The following PPME1 variants were observed in gnomAD, a reference collection of about 807,000 sequenced individuals.
PPME1 encodes testicular secretory protein Li 39.
PPME1 carries 17 observed loss-of-function variants against 56.9 expected under a neutral mutation model. The ratio of observed to expected loss-of-function variants is 0.30; its 90% CI spans 0.20 to 0.45. The LOEUF is 0.45. PPME1 is among the 20% of genes least tolerant of loss of function. PPME1 has a pLI of 1.00. For synonymous variants in PPME1, 122 were observed against 156.2 expected, an observed-to-expected ratio of 0.78 and a Z score of 1.63; for missense variants, 357 against 483.2, an observed-to-expected ratio of 0.74 and a Z score of 2.45.
intron 12 of PPME1, 69 bp downstream of exon 12, chr11:74,251,087 G>A: frequency 1.3e-6 from 2 of 1,543,082 alleles, no homozygotes; most frequent in East Asian, 2.5e-5. Context: ...CAGAAGACAA[G>A]TCTCTGAGTC....
At chr11:74,204,806 G>A (rs934454520) in intron 3 of PPME1, 1 of 165,272 alleles carries the variant, frequency 6.1e-6, no homozygotes, top group East Asian at 1.7e-4. Flanking sequence ...ACTGCGGTGA[G>A]TAAAACTAGT....
At position 74,171,511 on chromosome 11, in the gene PPME1, G is replaced by C. The variant is rs1389950393; in HGVS notation, c.90G>C (p.Lys30Asn). The C allele has an allele frequency of 6.2e-7, 1 of 1,612,692 alleles. No individual in the cohort carries two copies. The highest frequency in any genetic ancestry group is 8.5e-7 in the Non-Finnish European group (1 of 1,179,564). ...PGSGGSQSGA[K>N]MRMGPGRKRD... ...GCGGGGGCAGTCAGAGCGGAGCCAA[G>C]ATGCGAATGGGGTACGTGACCCATA... The change falls in exon 1 of 14, where the codon AAG becomes AAC. Residue 30 changes from lysine (K) to asparagine (N), a missense_variant. This residue lies in a region of PPME1 where 175 missense variants were observed against 189.4 expected (regional missense o/e 0.92). Transcript: ENST00000328257.
intron 1 of PPME1, among the ~76,000 whole-genome samples, chr11:74,195,418 A>G (rs73565819): frequency 0.017 from 2,633 of 152,216 alleles, 76 homozygotes; most frequent in African/African-American, 0.06. Context: ...TCTTTCTCTA[A>G]GTATTTTTCA....
At chr11:74,172,174 G>A (rs1857266048) in intron 1 of PPME1, among the ~76,000 whole-genome samples, 1 of 152,154 alleles carries the variant, frequency 6.6e-6, no homozygotes, top group Non-Finnish European at 1.5e-5. Context: ...AAGGTAAGGT[G>A]GAGAACATAG....
At position 74,204,613 on chromosome 11, in the gene PPME1, A is replaced by G. The variant is rs1403735928; in HGVS notation, c.288+168A>G. 5.3e-5 allele frequency among the ~76,000 whole-genome samples: 8 copies of G among 152,276 alleles called. No individual in the cohort carries two copies. In the East Asian group the frequency reaches 1.5e-3, roughly 29 times the overall value. ...TCTTCAGTATGTCTGAAGAACAAAG[A>G]GAAGGTTGGAGGTTTTATAAAAAGG... is the stretch of plus-strand genomic sequence containing the variant. On this transcript the variant is annotated intron_variant, in intron 3 of 13. Coordinates refer to ENST00000328257, the MANE Select transcript of PPME1 (RefSeq NM_016147.3).
At chr11:74,213,600 C>T (rs1447848210) in intron 3 of PPME1, among the ~76,000 whole-genome samples, 1 of 152,222 alleles carries the variant, frequency 6.6e-6, no homozygotes, top group Admixed American at 6.5e-5. Flanking sequence ...GTACTTGTGT[C>T]ACTCCACCCC....
intron 1 of PPME1, among the ~76,000 whole-genome samples, chr11:74,194,970 A>G (rs73565817): frequency 0.017 from 2,636 of 152,332 alleles, 76 homozygotes; most frequent in African/African-American, 0.06. Flanking sequence ...AGGCAGTCCT[A>G]TTTGGAGCAG....
At chr11:74,204,100 T>G (rs1256138980) in intron 2 of PPME1, among the ~76,000 whole-genome samples, 2 of 151,984 alleles carry the variant, frequency 1.3e-5, no homozygotes, top group Non-Finnish European at 2.9e-5. Context: ...TTGAACTAGT[T>G]TCATTTCTAG....
chr11:74,177,488 T>G (rs1273742673), intron 1 of PPME1, among the ~76,000 whole-genome samples: 1 of 151,898 alleles, frequency 6.6e-6, no homozygotes, highest in Non-Finnish European at 1.5e-5. Context: ...CTGATTAAAA[T>G]GACACCTTTG....
chr11:74,192,573 A>C (rs1167145346), intron 1 of PPME1, among the ~76,000 whole-genome samples: 1 of 152,088 alleles, frequency 6.6e-6, no homozygotes, highest in Non-Finnish European at 1.5e-5. Flanking sequence ...GCACCCTCCA[A>C]ATCTCGTGTT....
At chr11:74,219,269 T>G (rs1858734815) in intron 3 of PPME1, among the ~76,000 whole-genome samples, 1 of 151,740 alleles carries the variant, frequency 6.6e-6, no homozygotes, top group Non-Finnish European at 1.5e-5. Context: ...AAAGGGAACC[T>G]TCATACACTG....
At chr11:74,184,012 A>T (rs925524029) in intron 1 of PPME1, among the ~76,000 whole-genome samples, 5 of 152,196 alleles carry the variant, frequency 3.3e-5, no homozygotes, top group African/African-American at 1.2e-4. Context: ...AAAAAATATG[A>T]TTATTGAAAG....
chr11:74,203,358 G>T (rs1221143589), intron 1 of PPME1, among the ~76,000 whole-genome samples: 7 of 152,132 alleles, frequency 4.6e-5, no homozygotes, highest in Non-Finnish European at 1.0e-4. Flanking sequence ...AGTCAGTTGG[G>T]AGGATGGAAA....
At chr11:74,220,790 T>C (rs1332800052) in intron 3 of PPME1, among the ~76,000 whole-genome samples, 1 of 152,188 alleles carries the variant, frequency 6.6e-6, no homozygotes, top group Non-Finnish European at 1.5e-5. Flanking sequence ...AGTTCTTAAA[T>C]AGCTGCTTTC....
intron 1 of PPME1, 110 bp downstream of exon 1, chr11:74,171,632 T>C: frequency 7.4e-7 from 1 of 1,352,604 alleles, no homozygotes. Flanking sequence ...TAGGAGAAAA[T>C]GTTGGCGGCC....
chr11:74,230,711 A>G lies in PPME1; in HGVS notation c.554-201A>G. The G allele has an allele frequency of 1.6e-6, 1 of 607,250 alleles. No individual in the cohort carries two copies. The highest frequency in any genetic ancestry group is 2.9e-6 in the Non-Finnish European group (1 of 349,462). 37.6% of individuals were successfully genotyped at this position (607,250 alleles called of 1,614,324 possible). On this transcript the variant is annotated intron_variant, in intron 6 of 13. Transcript: ENST00000328257. The surrounding 1 kb of genome is among the most constrained non-coding windows in gnomAD (Gnocchi z 4.9). ...AAGTCACACTGCTGCTTGTGAATAC[A>G]AGTCATCCTCTTCAGTGTGAGGGCA...
At chr11:74,173,983 C>T (rs1184950759) in intron 1 of PPME1, among the ~76,000 whole-genome samples, 1 of 152,114 alleles carries the variant, frequency 6.6e-6, no homozygotes, top group Non-Finnish European at 1.5e-5. Context: ...TTTGTGTGGT[C>T]CTCAAATGGC....
chr11:74,192,532 C>G lies in PPME1; in HGVS notation c.102-11196C>G, dbSNP rs189871945. On this transcript the variant is annotated intron_variant, in intron 1 of 13. Coordinates refer to ENST00000328257, the MANE Select transcript of PPME1 (RefSeq NM_016147.3). ...GTGAGAAGGAGATGAAATTGAGGGG[C>G]CAGGGGCAGAATGATATGGTTTGGA... 3.2e-3 allele frequency among the ~76,000 whole-genome samples: 479 copies of G among 151,974 alleles called. 3 individuals carry two copies. In the Middle Eastern group the frequency reaches 0.034, roughly 11 times the overall value.
intron 3 of PPME1, among the ~76,000 whole-genome samples, chr11:74,214,375 A>C (rs1858565472): frequency 6.6e-6 from 1 of 152,216 alleles, no homozygotes; most frequent in African/African-American, 2.4e-5. Flanking sequence ...GTGGTCTTAA[A>C]GAGGAGGTAG....
Sources: gnomAD v4.1 joint callset for allele counts (sites outside exome capture counted in the v4.1 genomes callset) on GRCh38, gnomAD v4.1.1 for gene constraint, gnomAD v4.1.1 regional missense constraint, Gnocchi (gnomAD v3.1) non-coding constraint, MANE v1.5 for transcripts, NCBI Gene and HGNC (gene_info 2026-07-23, HGNC 2026-07-21) for gene names.